The following MYO16 variants were observed in gnomAD, a reference collection of about 807,000 sequenced individuals.
MYO16 encodes unconventional myosin-XVI.
In MYO16, 94 loss-of-function variants were observed where a neutral mutation model predicts 205.3. The observed-to-expected ratio is 0.46, with a 90% confidence interval of 0.39 to 0.54. The LOEUF (loss-of-function observed/expected upper bound fraction) is 0.54. Among genes scored for constraint, MYO16 ranks in the 20% least tolerant of loss-of-function variants. The pLI, the probability that MYO16 is intolerant of heterozygous loss-of-function variation, is 0.00. For missense variants in MYO16, 2,315 were observed against 2,387.5 expected, an observed-to-expected ratio of 0.97 and a Z score of 0.63; for synonymous variants, 988 against 954.0, an observed-to-expected ratio of 1.04 and a Z score of -0.66.
At chr13:108,805,520 A>G (rs1318632797) in intron 6 of MYO16, among the ~76,000 whole-genome samples, 10 of 152,152 alleles carry the variant, frequency 6.6e-5, no homozygotes, top group Admixed American at 5.9e-4. Context: ...TATCAAACCT[A>G]GAAGATGGCA....
intron 3 of MYO16, among the ~76,000 whole-genome samples, chr13:108,726,077 C>G (rs1199806076): frequency 6.6e-6 from 1 of 151,988 alleles, no homozygotes; most frequent in Non-Finnish European, 1.5e-5. Flanking sequence ...AATTTGTGTG[C>G]CAGTGCTTCC....
At chr13:109,072,684 C>T (rs1887962354) in intron 27 of MYO16, among the ~76,000 whole-genome samples, 1 of 152,062 alleles carries the variant, frequency 6.6e-6, no homozygotes, top group Non-Finnish European at 1.5e-5. Flanking sequence ...GCTCACTAGA[C>T]ATACCAGGGC....
rs1880234740 is a variant in MYO16 at position 108,636,358 on chromosome 13, T to TG, written c.28+6486_28+6487insG. 6.5e-3 allele frequency among the ~76,000 whole-genome samples: 471 copies of TG among 71,972 alleles called. 1 individual carries two copies. The highest frequency in any genetic ancestry group is 9.7e-3 in the Non-Finnish European group (347 of 35,796). 47.2% of individuals were successfully genotyped at this position (71,972 alleles called of 152,430 possible). Reference sequence around the variant, plus strand: ...AAAAAATATTTCCCTTTTTTTTTTTTTTTTTTTTTTTTGTGTGTGTGTGTG... The same window carrying TG: ...AAAAAATATTTCCCTTTTTTTTTTTTGTTTTTTTTTTTTGTGTGTGTGTGTG... On this transcript the variant is annotated intron_variant, in intron 1 of 34. Transcript: ENST00000457511.
At chr13:108,992,489 C>G (rs1884869338) in intron 21 of MYO16, 41 bp downstream of exon 21, 1 of 1,253,832 alleles carries the variant, frequency 8.0e-7, no homozygotes, top group Admixed American at 1.9e-5. Flanking sequence ...ACTTGAATGG[C>G]TTTTGAAACT....
intron 27 of MYO16, among the ~76,000 whole-genome samples, chr13:109,068,670 C>T (rs1887831187): frequency 6.6e-6 from 1 of 150,860 alleles, no homozygotes; most frequent in South Asian, 2.1e-4. Flanking sequence ...TGGCTCACTG[C>T]AACCTCCACC....
chr13:108,686,091 T>A (rs957298597), intron 2 of MYO16, among the ~76,000 whole-genome samples: 1 of 152,202 alleles, frequency 6.6e-6, no homozygotes, highest in South Asian at 2.1e-4. Context: ...TTTCAGGACG[T>A]AGCAGAGCTC....
intron 32 of MYO16, among the ~76,000 whole-genome samples, chr13:109,160,994 G>A (rs1878354835): frequency 6.6e-6 from 1 of 152,186 alleles, no homozygotes; most frequent in Non-Finnish European, 1.5e-5. Context: ...CAGAGTTTCT[G>A]CATTCAATCC....
chr13:109,040,383 C>CAGAGAGAGAGAGAG (rs1482536301), intron 23 of MYO16, among the ~76,000 whole-genome samples: 6 of 70,006 alleles, frequency 8.6e-5, no homozygotes, highest in Admixed American at 1.9e-4. Context: ...CACACACACA[C>CAGAGAGAGAGAGAG]ACAGAGAGAG....
chr13:108,996,851 G>A (rs1453261369), intron 21 of MYO16, among the ~76,000 whole-genome samples: 1 of 152,062 alleles, frequency 6.6e-6, no homozygotes, highest in Non-Finnish European at 1.5e-5. Flanking sequence ...ATAGAGCTCT[G>A]CAGATCTGCA....
At chr13:108,850,921 A>C (rs536547288) in intron 10 of MYO16, among the ~76,000 whole-genome samples, 3 of 152,214 alleles carry the variant, frequency 2.0e-5, no homozygotes, top group African/African-American at 7.2e-5. Flanking sequence ...ACGAGAATCC[A>C]CAGGAATACC....
intron 10 of MYO16, among the ~76,000 whole-genome samples, chr13:108,853,872 C>T (rs915256749): frequency 2.0e-5 from 3 of 151,832 alleles, no homozygotes; most frequent in African/African-American, 7.2e-5. Flanking sequence ...AAGCTTGCTG[C>T]CTGCCACCAT....
upstream of MYO16, among the ~76,000 whole-genome samples, chr13:108,595,881 CTTTT>C (rs67620613): frequency 9.5e-4 from 103 of 108,306 alleles, no homozygotes; most frequent in African/African-American, 3.6e-3. Flanking sequence ...AAATTAAGTC[CTTTT>C]TTTTTTTTTT....
At position 109,125,729 on chromosome 13, in the gene MYO16, T is replaced by C. The variant is rs1376128004; in HGVS notation, c.3782+371T>C. Among the ~76,000 whole-genome samples the C allele has an allele frequency of 1.3e-5, 2 of 152,198 alleles. No homozygotes were observed. The highest frequency in any genetic ancestry group is 2.4e-5 in the African/African-American group (1 of 41,452). ...AAGCGTTACGGATATAAGGCTGGCT[T>C]ATAGAAACTTCTGGAAATCTGACCC... On this transcript the variant is annotated intron_variant, in intron 30 of 34. Transcript: ENST00000457511. This position sits in a 1 kb window ranked among gnomAD's most constrained non-coding sequence, Gnocchi z 4.0.
intron 4 of MYO16, among the ~76,000 whole-genome samples, chr13:108,757,825 C>T (rs1479769692): frequency 6.6e-6 from 1 of 152,152 alleles, no homozygotes; most frequent in Non-Finnish European, 1.5e-5. Flanking sequence ...ATTCACTGCA[C>T]CGTCAGACCA....
At chr13:108,684,261 T>G (rs779550030) in intron 2 of MYO16, among the ~76,000 whole-genome samples, 1 of 152,214 alleles carries the variant, frequency 6.6e-6, no homozygotes, top group Non-Finnish European at 1.5e-5. Flanking sequence ...TCTTTTCATC[T>G]TATGAGATTG....
chr13:108,698,021 C>A (rs1421277386), intron 2 of MYO16, among the ~76,000 whole-genome samples: 1 of 152,214 alleles, frequency 6.6e-6, no homozygotes, highest in African/African-American at 2.4e-5. Context: ...CCGTGCCCGA[C>A]CTCGCTCTCT....
chr13:108,866,132 G>A (rs1483030613), intron 11 of MYO16, 45 bp from the exon 12 acceptor site: 2 of 1,194,470 alleles, frequency 1.7e-6, no homozygotes, highest in Non-Finnish European at 2.3e-6. Context: ...GTTTAAAGAT[G>A]CTATTTATAT....
At chr13:108,649,268 C>T (rs776528226) in intron 1 of MYO16, among the ~76,000 whole-genome samples, 30 of 152,242 alleles carry the variant, frequency 2.0e-4, no homozygotes, top group Admixed American at 6.5e-4. Context: ...AAGGAAAGAT[C>T]CTGAATTGTC....
At position 108,823,665 on chromosome 13, in the gene MYO16, G is replaced by C. The variant is rs537435746; in HGVS notation, c.1097+387G>C. On this transcript the variant is annotated intron_variant, in intron 9 of 34. Transcript: ENST00000457511. ...ATAAGCATAAAACTAATCATTTATTGTTGTGTGTGTTATCTCCTAAAAATA... is the reference window on the plus strand; with the variant it reads ...ATAAGCATAAAACTAATCATTTATTCTTGTGTGTGTTATCTCCTAAAAATA... Among the ~76,000 whole-genome samples the C allele has an allele frequency of 1.7e-4, 23 of 136,210 alleles. No homozygotes were observed. The South Asian group carries it at 2.5e-3, about 15-fold the overall frequency. The allele number at this position is 136,210 out of a possible 152,430, so 89.4% of individuals were successfully genotyped here. A position where few individuals can be genotyped will look rare whatever the true frequency, so the allele number is the denominator to read the frequency against.
Sources: allele counts gnomAD v4.1 joint callset (sites outside exome capture counted in the v4.1 genomes callset), GRCh38; gene constraint gnomAD v4.1.1; non-coding constraint Gnocchi (gnomAD v3.1); transcripts MANE v1.5; gene names NCBI Gene and HGNC (gene_info 2026-07-23, HGNC 2026-07-21).